ARHGAP21: variants seen among roughly 807,000 people sequenced by gnomAD.
ARHGAP21 encodes the protein rho GTPase-activating protein 21.
Under a neutral mutation model 164.6 loss-of-function variants are expected in ARHGAP21, and 38 were observed. That is an observed-to-expected ratio of 0.23 (90% CI 0.18 to 0.30). ARHGAP21 has a LOEUF of 0.30. ARHGAP21 is among the 10% of genes least tolerant of loss of function. The pLI, the probability that ARHGAP21 is intolerant of heterozygous loss-of-function variation, is 1.00. For synonymous variants in ARHGAP21, 766 were observed against 857.9 expected (o/e 0.89, Z 1.87); for missense variants, 1,822 against 2,370.7 (o/e 0.77, Z 4.81).
intron 21 of ARHGAP21, among the ~76,000 whole-genome samples, chr10:24,594,639 T>A (rs947772132): frequency 6.6e-6 from 1 of 152,184 alleles, no homozygotes; most frequent in African/African-American, 2.4e-5. Flanking sequence ...GCCTTTTGAC[T>A]GTTGTAGCGT....
chr10:24,595,223 T>TA, intron 19 of ARHGAP21, 33 bp from the exon 20 acceptor site: 1 of 1,547,128 alleles, frequency 6.5e-7, no homozygotes, highest in Non-Finnish European at 8.9e-7. Flanking sequence ...AAATTTATCT[T>TA]AAATTGCCTA....
chr10:24,678,099 C>T (rs1245081571), intron 2 of ARHGAP21, among the ~76,000 whole-genome samples: 1 of 143,468 alleles, frequency 7.0e-6, no homozygotes, highest in South Asian at 2.2e-4. Context: ...TCACTCTCCA[C>T]AAAAAGGAAA....
intron 9 of ARHGAP21, among the ~76,000 whole-genome samples, chr10:24,619,165 A>C (rs1834286031): frequency 6.6e-6 from 1 of 152,206 alleles, no homozygotes; most frequent in Non-Finnish European, 1.5e-5. Context: ...CTGAATCAAC[A>C]ATTAGGTATA....
intron 4 of ARHGAP21, among the ~76,000 whole-genome samples, chr10:24,643,854 T>G (rs911931612): frequency 1.3e-5 from 2 of 152,222 alleles, no homozygotes; most frequent in Non-Finnish European, 2.9e-5. Context: ...TCAAGGTTGC[T>G]GTTTCAAACT....
At chr10:24,606,905 G>A (rs375590753) in intron 11 of ARHGAP21, among the ~76,000 whole-genome samples, 4 of 152,196 alleles carry the variant, frequency 2.6e-5, no homozygotes, top group East Asian at 1.9e-4. Context: ...TCCTGTTTTC[G>A]ATTATATTTA....
intron 1 of ARHGAP21, chr10:24,723,218 GCCGGGCGCCGGGCCCGGC>G: frequency 6.6e-6 from 1 of 151,052 alleles, no homozygotes; most frequent in South Asian, 2.1e-4. Flanking sequence ...GGAGACGCTG[GCCGGGCGCCGGGCCCGGC>G]CGGGACGCGC....
Position 24,595,150 on chromosome 10 carries a change from ATCT to A in ARHGAP21, c.3750_3752del (p.Glu1250del). 1 of 1,612,278 alleles carries A rather than the reference ATCT, an allele frequency of 6.2e-7. No individual in the cohort carries two copies. Among genetic ancestry groups the A allele is most frequent in the Non-Finnish European group, 8.5e-7 (1 of 1,179,258 alleles). ...TTAATGTTTTCAGACGATCTAGAGG[ATCT>A]TCTTTACGATTGGCTTCAATAAAAT... On this transcript the variant is annotated inframe_deletion, in exon 20 of 26. Coordinates refer to ENST00000396432, the MANE Select transcript of ARHGAP21 (RefSeq NM_020824.4).
chr10:24,709,738 TAAAAA>T (rs201779827), intron 2 of ARHGAP21, among the ~76,000 whole-genome samples: 3 of 131,056 alleles, frequency 2.3e-5, no homozygotes, highest in Non-Finnish European at 4.9e-5. Flanking sequence ...AACCTTCTCT[TAAAAA>T]AAAAAAAAAA....
rs374508880 is a variant in ARHGAP21, at chr10:24,612,453, A to T, written c.2423-4550T>A. ...AATTGAATAAGCTGTTTCTGTTCCA[A>T]CTCCTACCAGAAGGGACATACCTCA... On this transcript the variant is annotated intron_variant, in intron 9 of 25. Transcript: ENST00000396432. 1.3e-4 allele frequency among the ~76,000 whole-genome samples: 20 copies of T among 152,328 alleles called. No individual in the cohort carries two copies. The East Asian group carries it at 3.5e-3, about 26-fold the overall frequency.
At chr10:24,669,745 C>T (rs544620932) in intron 3 of ARHGAP21, among the ~76,000 whole-genome samples, 2 of 152,264 alleles carry the variant, frequency 1.3e-5, no homozygotes, top group Admixed American at 1.3e-4. Context: ...TGAAGCCTGT[C>T]GATGTAATTC....
intron 7 of ARHGAP21, among the ~76,000 whole-genome samples, chr10:24,626,483 G>C (rs950593080): frequency 1.3e-5 from 2 of 152,166 alleles, no homozygotes; most frequent in Admixed American, 1.3e-4. Flanking sequence ...TGAAGACACA[G>C]TGAAAAGGTA....
At chr10:24,598,587 G>A (rs1018795794) in intron 14 of ARHGAP21, among the ~76,000 whole-genome samples, 1 of 152,106 alleles carries the variant, frequency 6.6e-6, no homozygotes, top group African/African-American at 2.4e-5. Flanking sequence ...TACCTTGTAT[G>A]AAATGCTATA....
intron 4 of ARHGAP21, among the ~76,000 whole-genome samples, chr10:24,638,244 G>T (rs1836591546): frequency 6.6e-6 from 1 of 151,938 alleles, no homozygotes; most frequent in Admixed American, 6.6e-5. Context: ...CCTAGAGAGA[G>T]AAAAACATTT....
intron 4 of ARHGAP21, among the ~76,000 whole-genome samples, chr10:24,662,964 A>T (rs1593214213): frequency 1.4e-5 from 2 of 145,610 alleles, no homozygotes; most frequent in East Asian, 4.0e-4. Context: ...AGATATGCGG[A>T]TTTTTTTTTT....
At chr10:24,690,827 C>CAAA (rs11285145) in intron 2 of ARHGAP21, among the ~76,000 whole-genome samples, 35 of 142,418 alleles carry the variant, frequency 2.5e-4, no homozygotes, top group African/African-American at 7.5e-4. Flanking sequence ...GACTCCATCT[C>CAAA]AAAAAAAAAA....
chr10:24,620,983 G>A lies in ARHGAP21; in HGVS notation c.912C>T (p.Gly304=), dbSNP rs374016679. The A allele has an allele frequency of 1.2e-5, 20 of 1,613,834 alleles. No homozygotes were observed. In the African/African-American group the frequency reaches 1.5e-4, roughly 12 times the overall value. The change falls in exon 9 of 26, where the codon GGC becomes GGT. Residue 304 remains glycine, a synonymous_variant. Coordinates refer to ENST00000396432, the MANE Select transcript of ARHGAP21 (RefSeq NM_020824.4). ...TTTTTAAAGAGGTCTGCTCACTCAC[G>A]CCATACCTCACTTCTTCAGTTCTAT... is the stretch of plus-strand genomic sequence containing the variant. ...PSHRTEEVRY[G]VSEQTSLKTV...
intron 4 of ARHGAP21, among the ~76,000 whole-genome samples, chr10:24,655,827 G>A (rs1157188546): frequency 4.5e-5 from 6 of 134,092 alleles, no homozygotes; most frequent in East Asian, 4.5e-4. Flanking sequence ...CTGCCCGGCC[G>A]CCCATCGTCT....
At chr10:24,595,579 A>C in intron 19 of ARHGAP21, 138 bp downstream of exon 19, 1 of 789,008 alleles carries the variant, frequency 1.3e-6, no homozygotes, top group Non-Finnish European at 2.0e-6. Context: ...TATGTTTTTA[A>C]TATATGAGGG....
chr10:24,652,913 C>T (rs1201985249), intron 4 of ARHGAP21, among the ~76,000 whole-genome samples: 3 of 152,184 alleles, frequency 2.0e-5, no homozygotes, highest in African/African-American at 7.2e-5. Context: ...CCTAGATATA[C>T]ATACCCTCTA....
Sources: allele counts gnomAD v4.1 joint callset (sites outside exome capture counted in the v4.1 genomes callset), GRCh38; gene constraint gnomAD v4.1.1; transcripts MANE v1.5; gene names NCBI Gene and HGNC (gene_info 2026-07-23, HGNC 2026-07-21).